Variants in SEMA3E observed in about 807,000 individuals in gnomAD.
SEMA3E encodes the protein semaphorin 3E, also known as semaphorin-3E.
In SEMA3E, 49 loss-of-function variants were observed where a neutral mutation model predicts 93.6. The observed-to-expected ratio is 0.52, with a 90% CI of 0.42 to 0.66. The LOEUF (loss-of-function observed/expected upper bound fraction) is 0.66. Among genes scored for constraint, SEMA3E ranks in the 30% least tolerant of loss-of-function variants. The probability of loss-of-function intolerance (pLI) is 0.00; values close to 1 mark genes in which losing one functional copy is unlikely to be tolerated. For missense variants in SEMA3E, 906 were observed against 964.8 expected (o/e 0.94, Z 0.81); for synonymous variants, 363 against 330.7 (o/e 1.10, Z -1.06).
chr7:83,514,836 T>C (rs1388454824), intron 1 of SEMA3E, among the ~76,000 whole-genome samples: 1 of 152,198 alleles, frequency 6.6e-6, no homozygotes, highest in Admixed American at 6.5e-5. Context: ...TCAGGATTTT[T>C]TTTTAAGAAT....
intron 4 of SEMA3E, among the ~76,000 whole-genome samples, chr7:83,420,570 A>G (rs2115703208): frequency 6.6e-6 from 1 of 152,340 alleles, no homozygotes; most frequent in South Asian, 2.1e-4. Flanking sequence ...GTAACTTCAA[A>G]CTATAGTACA....
chr7:83,459,267 C>T (rs1789560108), intron 4 of SEMA3E, among the ~76,000 whole-genome samples: 2 of 151,912 alleles, frequency 1.3e-5, no homozygotes, highest in Admixed American at 6.6e-5. Context: ...GATTAGAAGA[C>T]AAAGCAGTTT....
intron 1 of SEMA3E, among the ~76,000 whole-genome samples, chr7:83,593,082 T>A (rs1792786047): frequency 6.6e-6 from 1 of 152,206 alleles, no homozygotes; most frequent in South Asian, 2.1e-4. Flanking sequence ...CCTCCAAAAA[T>A]GCTTGGATTA....
At chr7:83,515,334 T>G (rs1299109132) in intron 1 of SEMA3E, among the ~76,000 whole-genome samples, 1 of 151,606 alleles carries the variant, frequency 6.6e-6, no homozygotes, top group Non-Finnish European at 1.5e-5. Context: ...TCTGAGTAAG[T>G]GTTGTTACAA....
intron 2 of SEMA3E, among the ~76,000 whole-genome samples, chr7:83,475,687 A>G (rs1442881226): frequency 6.6e-6 from 1 of 152,176 alleles, no homozygotes; most frequent in African/African-American, 2.4e-5. Flanking sequence ...CTCTGACCCA[A>G]GAGTCTAATG....
chr7:83,412,774 A>AAC lies in SEMA3E; in HGVS notation c.551-4288_551-4287insGT, dbSNP rs1355091955. Among the ~76,000 whole-genome samples the AAC allele has an allele frequency of 3.1e-4, 47 of 151,974 alleles. 1 individual carries two copies. Among genetic ancestry groups the AAC allele is most frequent in the African/African-American group, 1.1e-3 (46 of 41,406 alleles). On this transcript the variant is annotated intron_variant, in intron 5 of 16. Transcript: ENST00000643230. ...CCTAAAAAAAGATAAAAAAAAAAAA[A>AAC]AAAACACACAGGATAAGATCTTAAC... is the stretch of plus-strand genomic sequence containing the variant.
chr7:83,379,095 T>A (rs1021621968), intron 16 of SEMA3E, among the ~76,000 whole-genome samples: 1 of 151,742 alleles, frequency 6.6e-6, no homozygotes, highest in South Asian at 2.1e-4. Flanking sequence ...ATGTCTTTCA[T>A]AGCAACATGG....
intron 1 of SEMA3E, among the ~76,000 whole-genome samples, chr7:83,499,136 G>A (rs902224220): frequency 1.3e-5 from 2 of 152,010 alleles, no homozygotes; most frequent in Non-Finnish European, 2.9e-5. Context: ...GATCACCTGC[G>A]GTGGGCATTT....
At chr7:83,594,123 C>A (rs575478932) in intron 1 of SEMA3E, among the ~76,000 whole-genome samples, 1 of 152,246 alleles carries the variant, frequency 6.6e-6, no homozygotes, top group South Asian at 2.1e-4. Context: ...ACTTTGCCAA[C>A]TCATTCCAAT....
intron 11 of SEMA3E, among the ~76,000 whole-genome samples, chr7:83,398,266 G>A (rs189262558): frequency 5.3e-5 from 8 of 152,232 alleles, no homozygotes; most frequent in Non-Finnish European, 1.2e-4. Context: ...TTCTTGGACT[G>A]TTATATGTGG....
At chr7:83,566,839 AATG>A (rs752568175) in intron 1 of SEMA3E, among the ~76,000 whole-genome samples, 1 of 152,200 alleles carries the variant, frequency 6.6e-6, no homozygotes, top group Non-Finnish European at 1.5e-5. Flanking sequence ...ACCAAACCGC[AATG>A]ATAAGAAGAG....
At chr7:83,516,720 A>G (rs1442463787) in intron 1 of SEMA3E, among the ~76,000 whole-genome samples, 5 of 152,184 alleles carry the variant, frequency 3.3e-5, no homozygotes, top group Non-Finnish European at 7.4e-5. Context: ...ATTCAACATT[A>G]GTGGAGACAA....
chr7:83,439,882 C>T (rs1450550163), intron 4 of SEMA3E, among the ~76,000 whole-genome samples: 3 of 152,132 alleles, frequency 2.0e-5, no homozygotes, highest in Non-Finnish European at 4.4e-5. Context: ...ATGTAAAACT[C>T]AGACATAGGT....
At chr7:83,545,867 CATT>C (rs553156601) in intron 1 of SEMA3E, among the ~76,000 whole-genome samples, 278 of 141,994 alleles carry the variant, frequency 2.0e-3, no homozygotes, top group African/African-American at 7.0e-3. Flanking sequence ...ATCTATATAA[CATT>C]ATATATTATA....
chr7:83,644,244 A>G (rs545554497), intron 1 of SEMA3E, among the ~76,000 whole-genome samples: 14 of 152,048 alleles, frequency 9.2e-5, no homozygotes, highest in South Asian at 8.3e-4. Flanking sequence ...ATTCACATAC[A>G]ATGTAATCAT....
chr7:83,380,599 C>A (rs753723363), intron 16 of SEMA3E, among the ~76,000 whole-genome samples: 43 of 151,938 alleles, frequency 2.8e-4, no homozygotes, highest in Non-Finnish European at 5.4e-4. Flanking sequence ...TGCCATGAAT[C>A]GTTTCCCAGT....
At chr7:83,641,315 G>A (rs898082557) in intron 1 of SEMA3E, 2 of 897,522 alleles carry the variant, frequency 2.2e-6, no homozygotes, top group Non-Finnish European at 2.7e-6. Flanking sequence ...AACTGTGCAT[G>A]GCACCAGATA....
chr7:83,465,066 C>T lies in SEMA3E; in HGVS notation c.456+1416G>A, dbSNP rs574635755. ...TGCCCCACCTTAACTGATGACATTC[C>T]GCCACAAAAGAAGTGTAAATGGCTG... On this transcript the variant is annotated intron_variant, in intron 4 of 16. Transcript: ENST00000643230. Among the ~76,000 whole-genome samples the T allele has an allele frequency of 7.2e-5, 11 of 151,916 alleles. No individual in the cohort carries two copies. The South Asian group carries it at 1.9e-3, about 26-fold the overall frequency.
intron 1 of SEMA3E, among the ~76,000 whole-genome samples, chr7:83,523,178 C>T (rs558033890): frequency 7.9e-5 from 12 of 152,182 alleles, no homozygotes; most frequent in African/African-American, 2.4e-4. Context: ...ATGCACTCAG[C>T]GGTGATTCTG....
Sources: gnomAD v4.1 joint callset for allele counts (sites outside exome capture counted in the v4.1 genomes callset) on GRCh38, gnomAD v4.1.1 for gene constraint, MANE v1.5 for transcripts, NCBI Gene and HGNC (gene_info 2026-07-23, HGNC 2026-07-21) for gene names.